Variants in CACNG2 observed in about 807,000 individuals in gnomAD.
The protein encoded by CACNG2 is calcium voltage-gated channel auxiliary subunit gamma 2.
A neutral mutation model predicts 25.9 loss-of-function variants in CACNG2; 3 were observed. The ratio of observed to expected loss-of-function variants is 0.12; its 90% CI spans 0.05 to 0.30. CACNG2 has a LOEUF of 0.30. Ranked by LOEUF, CACNG2 falls within the 10% of genes least tolerant of loss-of-function variation. The probability of loss-of-function intolerance (pLI) is 1.00; values close to 1 mark genes in which losing one functional copy is unlikely to be tolerated. For missense variants in CACNG2, 341 were observed against 432.5 expected (o/e 0.79, Z 1.88); for synonymous variants, 167 against 173.3 (o/e 0.96, Z 0.29).
intron 2 of CACNG2, among the ~76,000 whole-genome samples, chr22:36,584,255 C>G (rs924669928): frequency 3.3e-5 from 5 of 152,170 alleles, no homozygotes; most frequent in Admixed American, 3.3e-4. Context: ...AATTTAAGAC[C>G]AGCCAGGCTA....
At chr22:36,615,140 T>C (rs1003335791) in intron 1 of CACNG2, among the ~76,000 whole-genome samples, 1 of 152,240 alleles carries the variant, frequency 6.6e-6, no homozygotes, top group African/African-American at 2.4e-5. Flanking sequence ...GTCTGGAGAA[T>C]AAATGAATTG....
chr22:36,588,095 G>A (rs1447905102), intron 1 of CACNG2, among the ~76,000 whole-genome samples: 1 of 152,180 alleles, frequency 6.6e-6, no homozygotes, highest in Non-Finnish European at 1.5e-5. Context: ...ATAAATATGG[G>A]GGTGGGGAGG....
chr22:36,643,241 T>C (rs1225578747), intron 1 of CACNG2, among the ~76,000 whole-genome samples: 2 of 150,486 alleles, frequency 1.3e-5, no homozygotes, highest in African/African-American at 4.9e-5. Context: ...CCTTTTTGTC[T>C]TTCTCTTCTT....
intron 1 of CACNG2, among the ~76,000 whole-genome samples, chr22:36,657,707 A>T (rs1222019041): frequency 6.6e-6 from 1 of 152,004 alleles, no homozygotes; most frequent in East Asian, 1.9e-4. Flanking sequence ...TCTGGATACA[A>T]TAAGATTGGC....
At chr22:36,683,690 AAG>A (rs1211984028) in intron 1 of CACNG2, among the ~76,000 whole-genome samples, 1 of 152,138 alleles carries the variant, frequency 6.6e-6, no homozygotes, top group African/African-American at 2.4e-5. Flanking sequence ...AGGGTGGAGA[AAG>A]AAATTCCTTC....
intron 1 of CACNG2, among the ~76,000 whole-genome samples, chr22:36,648,700 C>G (rs1297204327): frequency 3.3e-5 from 5 of 152,178 alleles, no homozygotes; most frequent in Admixed American, 3.3e-4. Flanking sequence ...TTGATTTTCC[C>G]TTTGCCATCT....
rs779839866 is a variant in CACNG2, at chr22:36,702,835, G to GT, written c.-260dup. ...GATCAGAAACTGTTCCAGTTGCAGTGTTTTTTTTTTAAAAAGAAAAGGAAA... is the reference window on the plus strand; with the variant it reads ...GATCAGAAACTGTTCCAGTTGCAGTGTTTTTTTTTTTAAAAAGAAAAGGAAA... On this transcript the variant is annotated 5_prime_UTR_variant, in exon 1 of 4. Coordinates refer to ENST00000300105, the MANE Select transcript of CACNG2 (RefSeq NM_006078.5). 0.026 allele frequency: 5,863 copies of GT among 227,560 alleles called. 52 individuals carry two copies. The highest frequency in any genetic ancestry group is 0.034 in the Non-Finnish European group (4,151 of 122,066). The allele number at this position is 227,560 out of a possible 1,614,324, so 14.1% of individuals were successfully genotyped here.
Position 36,564,732 on chromosome 22 carries a change from C to T in CACNG2, c.591G>A (p.Ala197=). 2 of 1,614,160 alleles carry T rather than the reference C, an allele frequency of 1.2e-6. No homozygotes were observed. The highest frequency in any genetic ancestry group is 1.7e-6 in the Non-Finnish European group (2 of 1,180,020). The change falls in exon 4 of 4, where the codon GCG becomes GCA. Residue 197 remains alanine, a synonymous_variant. Coordinates refer to ENST00000300105, the MANE Select transcript of CACNG2 (RefSeq NM_006078.5). This position sits in a 1 kb window ranked among gnomAD's most constrained non-coding sequence, Gnocchi z 6.7. ...TGTGCCGGTCGATAAACATGTGCAC[C>T]GCCAGCACCCCGACCATCTCGGCGA... ...FIIAEMVGVL[A]VHMFIDRHKQ...
chr22:36,574,800 C>CAAAACAAAACAAAA (rs796378649), intron 2 of CACNG2, among the ~76,000 whole-genome samples: 1,349 of 17,344 alleles, frequency 0.078, 16 homozygotes, highest in African/African-American at 0.17. Context: ...CAAAACAAAA[C>CAAAACAAAACAAAA]CAAAACAAAA....
chr22:36,587,423 C>T (rs1935522513), intron 2 of CACNG2, 42 bp downstream of exon 2: 1 of 1,403,354 alleles, frequency 7.1e-7, no homozygotes, highest in Non-Finnish European at 1.0e-6. Flanking sequence ...AAGGGCAGGG[C>T]CCACCACCAG....
intron 1 of CACNG2, among the ~76,000 whole-genome samples, chr22:36,701,465 C>A (rs1414594420): frequency 1.3e-5 from 2 of 152,158 alleles, no homozygotes; most frequent in African/African-American, 4.8e-5. Context: ...CACAGACACA[C>A]ATGCCTCAAC....
At chr22:36,666,320 A>C (rs889422704) in intron 1 of CACNG2, among the ~76,000 whole-genome samples, 10 of 152,236 alleles carry the variant, frequency 6.6e-5, no homozygotes, top group South Asian at 2.1e-4. Context: ...AGGTGGGAGG[A>C]TTGTTTAAGC....
chr22:36,612,612 A>G (rs980701521), intron 1 of CACNG2, among the ~76,000 whole-genome samples: 10 of 151,962 alleles, frequency 6.6e-5, no homozygotes, highest in African/African-American at 2.2e-4. Context: ...TCTTCCCACA[A>G]CCCTCTCACT....
rs530641364 is a variant in CACNG2 at position 36,592,141 on chromosome 22, G to A, written c.212-4593C>T. On this transcript the variant is annotated intron_variant, in intron 1 of 3. Transcript: ENST00000300105. ...TGTGAGGTGAGTGCAACAGGGAGAG[G>A]GTGGAATGGGAGGGATTATGAGGAT... Among the ~76,000 whole-genome samples the A allele has an allele frequency of 1.2e-4, 18 of 151,546 alleles. No individual in the cohort carries two copies. In the South Asian group the frequency reaches 3.8e-3, roughly 32 times the overall value.
chr22:36,687,246 C>T (rs934286546), intron 1 of CACNG2, among the ~76,000 whole-genome samples: 5 of 152,210 alleles, frequency 3.3e-5, no homozygotes, highest in Non-Finnish European at 7.3e-5. Flanking sequence ...TTGTAGTTTA[C>T]AGCCCCAGAT....
At position 36,564,976 on chromosome 22, in the gene CACNG2, G is replaced by T; in HGVS notation, c.437-90C>A. 1 of 1,222,258 alleles carries T rather than the reference G, an allele frequency of 8.2e-7. No individual in the cohort carries two copies. Among genetic ancestry groups the T allele is most frequent in the Non-Finnish European group, 1.2e-6 (1 of 839,400 alleles). 75.7% of individuals were successfully genotyped at this position (1,222,258 alleles called of 1,614,324 possible). ...GCCACAGGGCAGCCGTAAAGGACGGGGACAGCTGTGTGGGCCTTCCCCGGT... is the reference window on the plus strand; with the variant it reads ...GCCACAGGGCAGCCGTAAAGGACGGTGACAGCTGTGTGGGCCTTCCCCGGT... On this transcript the variant is annotated intron_variant, in intron 3 of 3. Transcript: ENST00000300105. The surrounding 1 kb of genome is among the most constrained non-coding windows in gnomAD (Gnocchi z 6.7).
chr22:36,667,257 T>C (rs1936888165), intron 1 of CACNG2, among the ~76,000 whole-genome samples: 1 of 152,114 alleles, frequency 6.6e-6, no homozygotes, highest in South Asian at 2.1e-4. Flanking sequence ...CCAGCTGGGA[T>C]CCACTTTTAA....
intron 1 of CACNG2, among the ~76,000 whole-genome samples, chr22:36,598,692 T>A (rs1400931928): frequency 6.6e-6 from 1 of 151,296 alleles, no homozygotes; most frequent in African/African-American, 2.4e-5. Context: ...TATTTGACTA[T>A]ATCTGGCCGA....
intron 1 of CACNG2, among the ~76,000 whole-genome samples, chr22:36,648,402 T>C (rs1310881734): frequency 3.9e-5 from 6 of 152,240 alleles, no homozygotes; most frequent in Non-Finnish European, 8.8e-5. Context: ...TAGACACCCA[T>C]TGCTCTGGGT....
Sources: allele counts gnomAD v4.1 joint callset (sites outside exome capture counted in the v4.1 genomes callset), GRCh38; gene constraint gnomAD v4.1.1; non-coding constraint Gnocchi (gnomAD v3.1); transcripts MANE v1.5; gene names NCBI Gene and HGNC (gene_info 2026-07-23, HGNC 2026-07-21).